Variants in PRKAR1B observed in about 807,000 individuals in gnomAD.
The protein encoded by PRKAR1B is cAMP-dependent protein kinase type I-beta regulatory subunit.
A neutral mutation model predicts 46.5 loss-of-function variants in PRKAR1B; 22 were observed. The ratio of observed to expected loss-of-function variants is 0.47; its 90% CI spans 0.34 to 0.68. PRKAR1B has a LOEUF of 0.68. Among genes scored for constraint, PRKAR1B ranks in the 30% least tolerant of loss-of-function variants. The probability of loss-of-function intolerance (pLI) is 0.01; values close to 1 mark genes in which losing one functional copy is unlikely to be tolerated. For missense variants in PRKAR1B, 445 were observed against 535.6 expected (o/e 0.83, Z 1.67); for synonymous variants, 259 against 217.7 (o/e 1.19, Z -1.67).
At chr7:677,171 C>G in intron 4 of PRKAR1B, 58 bp downstream of exon 4, 1 of 1,558,386 alleles carries the variant, frequency 6.4e-7, no homozygotes, top group Non-Finnish European at 8.8e-7. Context: ...GACCTGCCCA[C>G]CTCCCGGAGG....
At chr7:553,529 A>C (rs1189253093) in intron 9 of PRKAR1B, among the ~76,000 whole-genome samples, 1 of 152,202 alleles carries the variant, frequency 6.6e-6, no homozygotes, top group Non-Finnish European at 1.5e-5. Context: ...CAGGGTCCGG[A>C]GACGGCACCA....
intron 4 of PRKAR1B, among the ~76,000 whole-genome samples, chr7:623,355 C>T (rs1783212855): frequency 6.6e-6 from 1 of 152,260 alleles, no homozygotes; most frequent in South Asian, 2.1e-4. Flanking sequence ...CAACAATTCT[C>T]TCTCTGGCCA....
chr7:616,120 C>T (rs1426575642), intron 4 of PRKAR1B, among the ~76,000 whole-genome samples: 3 of 152,198 alleles, frequency 2.0e-5, no homozygotes, highest in African/African-American at 4.8e-5. Context: ...CGGGTGCACA[C>T]GCAGAACACA....
intron 4 of PRKAR1B, among the ~76,000 whole-genome samples, chr7:610,143 C>T (rs541577844): frequency 2.0e-5 from 3 of 152,298 alleles, no homozygotes; most frequent in East Asian, 1.9e-4. Flanking sequence ...CGCTGGGCCA[C>T]GATGGACATG....
intron 2 of PRKAR1B, among the ~76,000 whole-genome samples, chr7:703,988 A>G (rs1300719869): frequency 6.6e-6 from 1 of 152,228 alleles, no homozygotes; most frequent in Non-Finnish European, 1.5e-5. Flanking sequence ...AGGAAATCTC[A>G]AGGTAAAATG....
intron 1 of PRKAR1B, among the ~76,000 whole-genome samples, chr7:723,108 C>T (rs1241809773): frequency 1.3e-5 from 2 of 152,184 alleles, no homozygotes; most frequent in Non-Finnish European, 2.9e-5. Context: ...CATGCTCGTT[C>T]TGGGTCTCTT....
intron 4 of PRKAR1B, among the ~76,000 whole-genome samples, chr7:658,804 T>A (rs1785345060): frequency 6.6e-6 from 1 of 151,948 alleles, no homozygotes; most frequent in African/African-American, 2.4e-5. Flanking sequence ...GCACCCACCA[T>A]CATGCCAGGC....
intron 3 of PRKAR1B, 48 bp from the exon 4 acceptor site, chr7:677,368 C>A: frequency 6.5e-7 from 1 of 1,541,632 alleles, no homozygotes; most frequent in African/African-American, 1.4e-5. Flanking sequence ...TGGCCTGATG[C>A]TGTGACGCGG....
intron 4 of PRKAR1B, among the ~76,000 whole-genome samples, chr7:628,166 G>A (rs1251791578): frequency 6.6e-6 from 1 of 152,226 alleles, no homozygotes; most frequent in Non-Finnish European, 1.5e-5. Flanking sequence ...GGCACCCCTG[G>A]GGCAGCAAAC....
At position 727,152 on chromosome 7, in the gene PRKAR1B, G is replaced by T. The variant is rs1438667964; in HGVS notation, c.-23+58C>A. On this transcript the variant is annotated intron_variant, in intron 1 of 10. Coordinates refer to ENST00000537384, the MANE Select transcript of PRKAR1B (RefSeq NM_001164760.2). ...AGGCCTGTGAGGAGCTGCGCCTGGC[G>T]CTTGTGCAGCTGCTGGGCCTGGCCG... is the stretch of plus-strand genomic sequence containing the variant. 42 of 1,273,012 alleles carry T rather than the reference G, an allele frequency of 3.3e-5. No individual in the cohort carries two copies. Among genetic ancestry groups the T allele is most frequent in the Non-Finnish European group, 3.5e-5 (35 of 1,006,258 alleles). 78.9% of individuals were successfully genotyped at this position (1,273,012 alleles called of 1,614,324 possible).
intron 1 of PRKAR1B, among the ~76,000 whole-genome samples, chr7:717,888 G>A (rs1273128273): frequency 6.6e-6 from 1 of 152,056 alleles, no homozygotes; most frequent in African/African-American, 2.4e-5. Flanking sequence ...AGGTCCTGAG[G>A]CTCACCCCTG....
chr7:584,484 C>T (rs1780486108), intron 8 of PRKAR1B, 24 bp downstream of exon 8: 1 of 1,610,354 alleles, frequency 6.2e-7, no homozygotes, highest in African/African-American at 1.3e-5. Context: ...GGACACACAG[C>T]CGTGCAGGGG....
chr7:704,922 C>T (rs1780240636), intron 2 of PRKAR1B, among the ~76,000 whole-genome samples: 1 of 152,082 alleles, frequency 6.6e-6, no homozygotes, highest in African/African-American at 2.4e-5. Context: ...GACACTTCAC[C>T]AAAGAAGATA....
At chr7:575,663 C>A (rs749747107) in intron 9 of PRKAR1B, among the ~76,000 whole-genome samples, 1 of 152,088 alleles carries the variant, frequency 6.6e-6, no homozygotes, top group Admixed American at 6.6e-5. Flanking sequence ...CTCCCGCCTC[C>A]GCCTCCCAAG....
intron 3 of PRKAR1B, among the ~76,000 whole-genome samples, chr7:677,987 C>G (rs1778429187): frequency 1.3e-5 from 2 of 152,190 alleles, no homozygotes; most frequent in Admixed American, 6.5e-5. Context: ...CATATCTACA[C>G]AGGCCGGGCA....
At chr7:570,160 C>CGAGAGGAG (rs1416379339) in intron 9 of PRKAR1B, among the ~76,000 whole-genome samples, 2 of 152,212 alleles carry the variant, frequency 1.3e-5, no homozygotes, top group Non-Finnish European at 2.9e-5. Flanking sequence ...CCCTGACCCG[C>CGAGAGGAG]GAGAGGAGGG....
At chr7:609,501 C>G (rs936971721) in intron 4 of PRKAR1B, among the ~76,000 whole-genome samples, 1 of 152,144 alleles carries the variant, frequency 6.6e-6, no homozygotes, top group African/African-American at 2.4e-5. Flanking sequence ...GTGTGGAGGG[C>G]AAGTGCTGCC....
At chr7:619,665 C>G (rs997749860) in intron 4 of PRKAR1B, among the ~76,000 whole-genome samples, 1 of 152,256 alleles carries the variant, frequency 6.6e-6, no homozygotes, top group Non-Finnish European at 1.5e-5. Flanking sequence ...CTCGGCCCCA[C>G]GCCATTGTTC....
At chr7:552,767 T>G (rs575499085) in intron 9 of PRKAR1B, among the ~76,000 whole-genome samples, 11 of 152,204 alleles carry the variant, frequency 7.2e-5, no homozygotes, top group Non-Finnish European at 1.5e-4. Context: ...GTCACAGGGC[T>G]GCCGGTCTCC....
Sources: gnomAD v4.1 joint callset for allele counts (sites outside exome capture counted in the v4.1 genomes callset) on GRCh38, gnomAD v4.1.1 for gene constraint, MANE v1.5 for transcripts, NCBI Gene and HGNC (gene_info 2026-07-23, HGNC 2026-07-21) for gene names.